MYOM2: variants seen among roughly 807,000 people sequenced by gnomAD.
MYOM2 encodes the protein myomesin 2.
In MYOM2, 254 loss-of-function variants were observed where a neutral mutation model predicts 187.6. The observed-to-expected ratio is 1.35, with a 90% CI of 1.22 to 1.50. The LOEUF is 1.50. Ranked by LOEUF, MYOM2 falls within the 40% of genes most tolerant of loss-of-function variation. The pLI is 0.00. For synonymous variants in MYOM2, 981 were observed against 753.8 expected (o/e 1.30, Z -4.94); for missense variants, 2,796 against 1,924.0 (o/e 1.45, Z -8.48).
intron 20 of MYOM2, among the ~76,000 whole-genome samples, chr8:2,101,803 G>C (rs759742989): frequency 2.0e-5 from 3 of 152,138 alleles, no homozygotes; most frequent in Non-Finnish European, 4.4e-5. Context: ...CATTTGATAA[G>C]CACCACACAC....
At chr8:2,142,014 A>T (rs1798291062) in intron 34 of MYOM2, among the ~76,000 whole-genome samples, 1 of 152,186 alleles carries the variant, frequency 6.6e-6, no homozygotes, top group South Asian at 2.1e-4. Flanking sequence ...GATGAGCAAG[A>T]TAGATCAGAA....
chr8:2,095,540 C>T (rs942412510), intron 17 of MYOM2, among the ~76,000 whole-genome samples: 3 of 152,158 alleles, frequency 2.0e-5, no homozygotes, highest in African/African-American at 4.8e-5. Flanking sequence ...AATCCTCCTG[C>T]CTCGGTCTCC....
chr8:2,110,029 G>C (rs1333689326), intron 25 of MYOM2, among the ~76,000 whole-genome samples: 1 of 152,216 alleles, frequency 6.6e-6, no homozygotes, highest in Non-Finnish European at 1.5e-5. Context: ...TGGCTGTCAA[G>C]AGTGATGTTC....
rs1486498350 is a variant in MYOM2, at chr8:2,050,862, T to G, written c.96T>G (p.Tyr32Ter). ...NIQTRYLLDEYASKKRASTQA... is the reference protein window; with the variant it reads ...NIQTRYLLDE ...AAACACGGTACCTGCTGGACGAATATGCGTCAAAAAAGTAAGCTGACATTC... is the reference window on the plus strand; with the variant it reads ...AAACACGGTACCTGCTGGACGAATAGGCGTCAAAAAAGTAAGCTGACATTC... Residue 32 changes from tyrosine to a stop codon, truncating the protein, a stop_gained, in exon 2 of 37, where the codon TAT (tyrosine) becomes TAG (stop). Coordinates refer to ENST00000262113, the MANE Select transcript of MYOM2 (RefSeq NM_003970.4). LOFTEE classifies it high-confidence loss of function. 6.2e-7 allele frequency: 1 copy of G among 1,609,642 alleles called. No homozygotes were observed. The highest frequency in any genetic ancestry group is 1.7e-5 in the Admixed American group (1 of 59,976).
intron 25 of MYOM2, among the ~76,000 whole-genome samples, chr8:2,115,077 T>G (rs1318080430): frequency 6.6e-6 from 1 of 151,804 alleles, no homozygotes; most frequent in African/African-American, 2.4e-5. Context: ...AAAGTGAAAT[T>G]TAAGTATTAA....
Position 2,144,668 on chromosome 8 carries a change from T to A in MYOM2, c.4085T>A (p.Leu1362Ter). Residue 1362 changes from leucine (L) to a stop codon, truncating the protein, a stop_gained, in exon 37 of 37, where the codon TTG becomes TAG. Coordinates refer to ENST00000262113, the MANE Select transcript of MYOM2 (RefSeq NM_003970.4). LOFTEE classifies it low-confidence loss of function (END_TRUNC). ...DVVTIMEGKTLNLTCTVFGNP... is the reference protein window; with the variant it reads ...DVVTIMEGKT The stretch of plus-strand genomic sequence containing the variant: ...ACCAACCTCTTCCGTCCAAAGACCT[T>A]GAATCTGACCTGCACGGTGTTTGGA... 1 of 1,613,652 alleles carries A rather than the reference T, an allele frequency of 6.2e-7. No individual in the cohort carries two copies. Among genetic ancestry groups the A allele is most frequent in the Non-Finnish European group, 8.5e-7 (1 of 1,179,912 alleles).
chr8:2,120,680 T>TATATATATATATATATATATA lies in MYOM2; in HGVS notation c.3454-2572_3454-2571insATATATATATATATATATATA. Reference sequence around the variant, plus strand: ...CCTGTATATATATATATATATTATATTATATATAAATATATAATATATATA... The same window carrying TATATATATATATATATATATA: ...CCTGTATATATATATATATATTATATATATATATATATATATATATATATATATAAATATATAATATATATA... On this transcript the variant is annotated intron_variant, in intron 28 of 36. Coordinates refer to ENST00000262113, the MANE Select transcript of MYOM2 (RefSeq NM_003970.4). Among the ~76,000 whole-genome samples, 23 of 48,264 alleles carry TATATATATATATATATATATA rather than the reference T, an allele frequency of 4.8e-4. 1 individual carries two copies. The highest frequency in any genetic ancestry group is 7.6e-4 in the East Asian group (1 of 1,322). 31.7% of individuals were successfully genotyped at this position (48,264 alleles called of 152,430 possible). A position where few individuals can be genotyped will look rare whatever the true frequency, so the allele number is the denominator to read the frequency against.
intron 1 of MYOM2, among the ~76,000 whole-genome samples, chr8:2,049,219 A>G (rs1818405588): frequency 6.6e-6 from 1 of 152,122 alleles, no homozygotes; most frequent in South Asian, 2.1e-4. Flanking sequence ...GGGTTTTAAG[A>G]GGCAATATTG....
chr8:2,053,262 A>T (rs1818551551), intron 3 of MYOM2, among the ~76,000 whole-genome samples: 1 of 152,268 alleles, frequency 6.6e-6, no homozygotes, highest in Non-Finnish European at 1.5e-5. Context: ...TTTTTAAAAA[A>T]TTGAATTTTT....
intron 9 of MYOM2, among the ~76,000 whole-genome samples, chr8:2,072,730 C>A (rs913172869): frequency 6.6e-6 from 1 of 152,206 alleles, no homozygotes; most frequent in African/African-American, 2.4e-5. Flanking sequence ...AGAGCAGCCA[C>A]TTAGAGACTG....
At position 2,072,497 on chromosome 8, in the gene MYOM2, T is replaced by C; in HGVS notation, c.946T>C (p.Trp316Arg). The C allele has an allele frequency of 6.2e-7, 1 of 1,613,242 alleles. No individual in the cohort carries two copies. The highest frequency in any genetic ancestry group is 8.5e-7 in the Non-Finnish European group (1 of 1,179,996). Residue 316 changes from tryptophan to arginine, a missense_variant, in exon 9 of 37, where the codon TGG (tryptophan) becomes CGG (arginine). Trp to Arg is a moderately radical substitution (Grantham distance 101). Transcript: ENST00000262113. Reference sequence around the variant, plus strand: ...GAAGCGGGTGCAGCCGCGCGCCGAGTGGTACCGCGATGGTGAGTAGGACAC... The same window carrying C: ...GAAGCGGGTGCAGCCGCGCGCCGAGCGGTACCGCGATGGTGAGTAGGACAC... The part of the protein sequence containing the change: ...DLKRVQPRAE[W>R]YRDDVLLKES...
chr8:2,079,987 AT>A (rs1438444044), intron 13 of MYOM2, among the ~76,000 whole-genome samples: 1 of 152,166 alleles, frequency 6.6e-6, no homozygotes, highest in Non-Finnish European at 1.5e-5. Context: ...TTCATTTTAC[AT>A]TTTCTAAGCA....
At chr8:2,139,177 G>C (rs1169877847) in intron 32 of MYOM2, among the ~76,000 whole-genome samples, 1 of 152,192 alleles carries the variant, frequency 6.6e-6, no homozygotes, top group Non-Finnish European at 1.5e-5. Context: ...GTCTCGCTCT[G>C]TTGGCCAGGC....
intron 21 of MYOM2, among the ~76,000 whole-genome samples, chr8:2,105,206 G>C (rs1796851107): frequency 6.6e-6 from 1 of 152,172 alleles, no homozygotes. Context: ...TCAGGAAGCA[G>C]TGCAGCCTCA....
chr8:2,052,383 G>A, intron 3 of MYOM2, 70 bp downstream of exon 3: 2 of 1,470,894 alleles, frequency 1.4e-6, no homozygotes, highest in Non-Finnish European at 1.8e-6. Flanking sequence ...AGTGGGGTGA[G>A]GAGGGAAGAG....
Position 2,085,368 on chromosome 8 carries a change from C to G in MYOM2, c.1622C>G (p.Pro541Arg), listed in dbSNP as rs144063996. The change falls in exon 14 of 37, where the codon CCG (proline) becomes CGG (arginine). Residue 541 changes from proline to arginine, a missense_variant. Physicochemically the swap from Pro to Arg is moderately radical, Grantham distance 103. Transcript: ENST00000262113. ...WEPPTPRGKD[P>R]LMYFIEKSVV... ...CCACCCACTCCCCGTGGCAAGGACC[C>G]GCTCATGTACTTCATTGAGAAGGTA... The G allele has an allele frequency of 4.7e-4, 751 of 1,612,938 alleles. No homozygotes were observed. The highest frequency in any genetic ancestry group is 1.4e-3 in the Admixed American group (86 of 59,874).
intron 5 of MYOM2, among the ~76,000 whole-genome samples, chr8:2,058,030 T>A (rs1818732538): frequency 1.5e-5 from 1 of 65,812 alleles, no homozygotes; most frequent in African/African-American, 4.7e-5. Flanking sequence ...TTTTTTTTTT[T>A]TTTTTTGAGA....
At chr8:2,053,446 T>A (rs1818556761) in intron 3 of MYOM2, among the ~76,000 whole-genome samples, 2 of 152,340 alleles carry the variant, frequency 1.3e-5, no homozygotes, top group South Asian at 4.1e-4. Flanking sequence ...ATAGAATACT[T>A]GAGCTTATCA....
At chr8:2,101,095 C>G (rs1366007206) in intron 20 of MYOM2, 41 bp downstream of exon 20, 2 of 1,603,942 alleles carry the variant, frequency 1.2e-6, no homozygotes. Context: ...CCTGTAATCC[C>G]AGCACTTTGG....
Sources: allele counts gnomAD v4.1 joint callset (sites outside exome capture counted in the v4.1 genomes callset), GRCh38; gene constraint gnomAD v4.1.1; transcripts MANE v1.5; gene names NCBI Gene and HGNC (gene_info 2026-07-23, HGNC 2026-07-21).